PNPLA1: variants seen among roughly 807,000 people sequenced by gnomAD.
PNPLA1 encodes patatin like domain 1, omega-hydroxyceramide transacylase.
A neutral mutation model predicts 51.7 loss-of-function variants in PNPLA1; 36 were observed. The ratio of observed to expected loss-of-function variants is 0.70; its 90% CI spans 0.53 to 0.92. The LOEUF (loss-of-function observed/expected upper bound fraction) is 0.92, where lower values mean the gene tolerates loss of function less well. Among genes scored for constraint, PNPLA1 ranks in the 40% least tolerant of loss-of-function variants. PNPLA1 has a pLI of 0.00. For missense variants in PNPLA1, 658 were observed against 682.5 expected, an observed-to-expected ratio of 0.96 and a Z score of 0.40; for synonymous variants, 293 against 280.1, an observed-to-expected ratio of 1.05 and a Z score of -0.46.
intron 1 of PNPLA1, among the ~76,000 whole-genome samples, chr6:36,288,397 T>C (rs1770568636): frequency 1.3e-5 from 2 of 151,864 alleles, no homozygotes; most frequent in African/African-American, 4.8e-5. Flanking sequence ...GAGGATTGCT[T>C]GAGACCAGGG....
chr6:36,309,190 C>T (rs1209968630), intron 8 of PNPLA1, among the ~76,000 whole-genome samples: 5 of 152,048 alleles, frequency 3.3e-5, no homozygotes, highest in Admixed American at 2.0e-4. Flanking sequence ...AGTATGGTAG[C>T]GGAGATTCTG....
intron 7 of PNPLA1, among the ~76,000 whole-genome samples, chr6:36,306,721 T>G (rs1433372200): frequency 6.6e-6 from 1 of 152,190 alleles, no homozygotes; most frequent in Admixed American, 6.5e-5. Flanking sequence ...CCTGCAGGCA[T>G]CCTACCTCCC....
intron 1 of PNPLA1, among the ~76,000 whole-genome samples, chr6:36,271,899 T>G (rs1769928563): frequency 6.6e-6 from 1 of 152,218 alleles, no homozygotes; most frequent in Non-Finnish European, 1.5e-5. Flanking sequence ...TCATGATGCA[T>G]GCCTGAAGTA....
intron 1 of PNPLA1, among the ~76,000 whole-genome samples, chr6:36,255,931 G>T (rs749126380): frequency 6.6e-6 from 1 of 152,174 alleles, no homozygotes; most frequent in Non-Finnish European, 1.5e-5. Flanking sequence ...CTGGGCTTGG[G>T]CTGAGATGTT....
At chr6:36,281,496 C>T (rs1051849590) in intron 1 of PNPLA1, among the ~76,000 whole-genome samples, 1 of 152,120 alleles carries the variant, frequency 6.6e-6, no homozygotes, top group Non-Finnish European at 1.5e-5. Context: ...CCCTCACAAC[C>T]CTATGAAGCA....
intron 1 of PNPLA1, among the ~76,000 whole-genome samples, chr6:36,282,552 G>A (rs991637324): frequency 2.6e-5 from 4 of 152,316 alleles, no homozygotes; most frequent in African/African-American, 9.6e-5. Flanking sequence ...ACATCTATTT[G>A]GAAAGCAACT....
chr6:36,311,461 T>A (rs1438246253), intron 8 of PNPLA1, among the ~76,000 whole-genome samples: 1 of 152,182 alleles, frequency 6.6e-6, no homozygotes, highest in Non-Finnish European at 1.5e-5. Flanking sequence ...TCAGGCTGCC[T>A]TGGATGACCG....
chr6:36,280,660 A>G (rs1770251459), intron 1 of PNPLA1, among the ~76,000 whole-genome samples: 1 of 152,180 alleles, frequency 6.6e-6, no homozygotes, highest in Non-Finnish European at 1.5e-5. Context: ...CAGTCCCCAC[A>G]GTTACCACAT....
At chr6:36,306,179 G>T in intron 6 of PNPLA1, 113 bp from the exon 7 acceptor site, 2 of 798,330 alleles carry the variant, frequency 2.5e-6, no homozygotes, top group South Asian at 1.8e-5. Flanking sequence ...TTGAGGACAA[G>T]AGAGTTCTTT....
intron 1 of PNPLA1, among the ~76,000 whole-genome samples, chr6:36,259,553 C>A (rs766395198): frequency 1.3e-5 from 2 of 151,766 alleles, no homozygotes; most frequent in Non-Finnish European, 2.9e-5. Context: ...TTATAAAATA[C>A]TATCAGTTTC....
chr6:36,257,558 T>G (rs138275802), intron 1 of PNPLA1, among the ~76,000 whole-genome samples: 1 of 152,358 alleles, frequency 6.6e-6, no homozygotes, highest in East Asian at 1.9e-4. Context: ...TTGTTTGTCT[T>G]TTTCTTTCAG....
chr6:36,245,879 G>A (rs1028081027), intron 1 of PNPLA1, among the ~76,000 whole-genome samples: 5 of 152,104 alleles, frequency 3.3e-5, no homozygotes, highest in Admixed American at 6.5e-5. Flanking sequence ...CCCGCCCCCC[G>A]CCACACTGCC....
At chr6:36,260,001 G>T (rs567734550) in intron 1 of PNPLA1, among the ~76,000 whole-genome samples, 1 of 151,896 alleles carries the variant, frequency 6.6e-6, no homozygotes, top group African/African-American at 2.4e-5. Flanking sequence ...TTTTTTTTAA[G>T]AAATGAAAGA....
chr6:36,254,437 G>A (rs904037362), intron 1 of PNPLA1, among the ~76,000 whole-genome samples: 15 of 152,230 alleles, frequency 9.9e-5, no homozygotes, highest in Middle Eastern at 6.8e-3. Flanking sequence ...TTAGCCAGGC[G>A]TGGTGGGGTG....
chr6:36,283,433 CTG>C (rs1448009751), intron 1 of PNPLA1, among the ~76,000 whole-genome samples: 1 of 152,124 alleles, frequency 6.6e-6, no homozygotes, highest in Non-Finnish European at 1.5e-5. Flanking sequence ...TTTGGTTCCC[CTG>C]AGTTAGGAGT....
chr6:36,301,709 C>T (rs916541287), intron 5 of PNPLA1, 152 bp from the exon 6 acceptor site: 19 of 1,106,552 alleles, frequency 1.7e-5, no homozygotes, highest in South Asian at 3.1e-5. Context: ...GAAACCATCA[C>T]GTTTGTTTTC....
At chr6:36,306,695 C>T (rs954078730) in intron 7 of PNPLA1, among the ~76,000 whole-genome samples, 2 of 152,122 alleles carry the variant, frequency 1.3e-5, no homozygotes, top group African/African-American at 4.8e-5. Flanking sequence ...CTGGTGATGC[C>T]ACAGTTCCAA....
intron 2 of PNPLA1, among the ~76,000 whole-genome samples, chr6:36,292,295 C>T (rs1770712197): frequency 6.6e-6 from 1 of 152,058 alleles, no homozygotes; most frequent in African/African-American, 2.4e-5. Context: ...CACCTCCGTC[C>T]CTCAGGCCCC....
chr6:36,288,752 C>T (rs1464900153), intron 1 of PNPLA1, among the ~76,000 whole-genome samples: 1 of 151,910 alleles, frequency 6.6e-6, no homozygotes, highest in Non-Finnish European at 1.5e-5. Context: ...GCCACCATGC[C>T]CGGCTGGAGA....
Sources: gnomAD v4.1 joint callset for allele counts (sites outside exome capture counted in the v4.1 genomes callset) on GRCh38, gnomAD v4.1.1 for gene constraint, MANE v1.5 for transcripts, NCBI Gene and HGNC (gene_info 2026-07-23, HGNC 2026-07-21) for gene names.